Variants in RADX observed in about 807,000 individuals in gnomAD.
The protein encoded by RADX is RPA1 related single stranded DNA binding protein, X-linked, also known as RPA-related protein RADX.
RADX carries 36 observed loss-of-function variants against 61.6 expected under a neutral mutation model. The observed-to-expected ratio is 0.58, with a 90% CI of 0.45 to 0.77. RADX has a LOEUF of 0.77. Among genes scored for constraint, RADX ranks in the 30% least tolerant of loss-of-function variants. The probability of loss-of-function intolerance (pLI) is 0.00; values close to 1 mark genes in which losing one functional copy is unlikely to be tolerated. For missense variants in RADX, 497 were observed against 651.1 expected, an observed-to-expected ratio of 0.76 and a Z score of 2.58; for synonymous variants, 272 against 237.9, an observed-to-expected ratio of 1.14 and a Z score of -1.32.
chrX:106,637,987 T>G (rs1278596781), intron 8 of RADX, 63 bp downstream of exon 8: 1 of 909,352 alleles, frequency 1.1e-6, no homozygotes. Context: ...GCTTATGCTA[T>G]TTCAATTAGT....
At chrX:106,651,665 A>C in intron 11 of RADX, among the ~76,000 whole-genome samples, 1 of 111,689 alleles carries the variant, frequency 9.0e-6, no homozygotes, top group East Asian at 2.8e-4. Context: ...TGAGAATTAA[A>C]GCATTCTAAG....
chrX:106,679,421 TAAAG>T lies in RADX; in HGVS notation c.*1166_*1169del, dbSNP rs1928591852. 8.9e-6 allele frequency: 1 copy of T among 112,240 alleles called. No individual in the cohort carries two copies. The highest frequency in any genetic ancestry group is 2.8e-4 in the East Asian group (1 of 3,602). The allele number at this position is 112,240 out of a possible 1,213,427, so 9.2% of individuals were successfully genotyped here. On this transcript the variant is annotated 3_prime_UTR_variant, in exon 14 of 14. Transcript: ENST00000372548. The stretch of plus-strand genomic sequence containing the variant: ...CGTGTTACAGTTTTGAGTGAATTAT[TAAAG>T]AAGTTAAAATGCAATAACTTTTTGG...
At chrX:106,647,999 G>C (rs1177091480) in intron 10 of RADX, among the ~76,000 whole-genome samples, 1 of 109,597 alleles carries the variant, frequency 9.1e-6, no homozygotes, top group Non-Finnish European at 1.9e-5. Context: ...TATTTCTTTT[G>C]CTCTGCATGC....
chrX:106,677,646 CAT>C (rs1180008196), intron 13 of RADX, among the ~76,000 whole-genome samples: 1 of 111,008 alleles, frequency 9.0e-6, no homozygotes, highest in Non-Finnish European at 1.9e-5. Context: ...ATCAGTTACA[CAT>C]ATACACATAT....
chrX:106,614,536 A>G (rs1439754635), intron 1 of RADX, among the ~76,000 whole-genome samples: 7 of 112,132 alleles, frequency 6.2e-5, no homozygotes, highest in Admixed American at 9.4e-5. Flanking sequence ...TCCTCTGGCG[A>G]AATTGCTGGC....
intron 3 of RADX, among the ~76,000 whole-genome samples, chrX:106,630,938 AATAAG>A (rs1156718879): frequency 8.9e-6 from 1 of 112,379 alleles, no homozygotes. Context: ...AATTAAAAGT[AATAAG>A]ATATTAGCAA....
At chrX:106,638,267 C>CT (rs746231371) in intron 8 of RADX, 3,271 of 118,997 alleles carry the variant, frequency 0.027, 16 homozygotes, top group Non-Finnish European at 0.038. Context: ...CCTGAAACTT[C>CT]TTTTTTTTTT....
intron 6 of RADX, among the ~76,000 whole-genome samples, chrX:106,635,502 G>T (rs1357894122): frequency 9.0e-6 from 1 of 111,296 alleles, no homozygotes; most frequent in Non-Finnish European, 1.9e-5. Flanking sequence ...AACACCTTTA[G>T]CCATTAGTAT....
At chrX:106,640,251 T>A (rs1927474228) in intron 9 of RADX, among the ~76,000 whole-genome samples, 1 of 111,206 alleles carries the variant, frequency 9.0e-6, no homozygotes, top group African/African-American at 3.3e-5. Flanking sequence ...ACAAGTTAAT[T>A]TTTCCCATGA....
chrX:106,641,175 A>T (rs892098425), intron 10 of RADX, among the ~76,000 whole-genome samples: 1 of 110,612 alleles, frequency 9.0e-6, no homozygotes, highest in Non-Finnish European at 1.9e-5. Flanking sequence ...AACATCTGCT[A>T]TGACCCTATT....
chrX:106,639,864 C>A, intron 9 of RADX, 177 bp downstream of exon 9: 1 of 281,749 alleles, frequency 3.5e-6, no homozygotes, highest in Non-Finnish European at 6.2e-6. Context: ...AAAGTAATGG[C>A]AAAAACCGCA....
In RADX at chrX:106,612,066, C is replaced by G. The variant is rs748719808; in HGVS notation, c.-15C>G. On this transcript the variant is annotated 5_prime_UTR_variant, in exon 1 of 14. Coordinates refer to ENST00000372548, the MANE Select transcript of RADX (RefSeq NM_018015.6). ...CTAGCTTTTGGGAGTGAAGCGGGTA[C>G]GCAGTTATCCAACAATGTCTGGTGA... The G allele has an allele frequency of 8.4e-7, 1 of 1,192,478 alleles. No individual in the cohort carries two copies.
chrX:106,643,982 A>G (rs1456076465), intron 10 of RADX, among the ~76,000 whole-genome samples: 1 of 111,443 alleles, frequency 9.0e-6, no homozygotes, highest in Non-Finnish European at 1.9e-5. Flanking sequence ...TTCATTATAG[A>G]CATCTTTCAC....
chrX:106,677,342 A>C (rs1928535525), intron 13 of RADX, among the ~76,000 whole-genome samples: 1 of 111,363 alleles, frequency 9.0e-6, no homozygotes, highest in African/African-American at 3.3e-5. Context: ...GTAGCAGTTT[A>C]TTTCTTTATT....
chrX:106,657,141 C>T (rs1224717987), intron 11 of RADX, among the ~76,000 whole-genome samples: 1 of 112,407 alleles, frequency 8.9e-6, no homozygotes, highest in East Asian at 2.8e-4. Context: ...GCTTCTACAT[C>T]AGAACTTGCT....
At position 106,612,309 on chromosome X, in the gene RADX, T is replaced by C; in HGVS notation, c.229T>C (p.Tyr77His). The C allele has an allele frequency of 2.5e-6, 3 of 1,211,205 alleles. No individual in the cohort carries two copies. Among genetic ancestry groups the C allele is most frequent in the Non-Finnish European group, 2.2e-6 (2 of 895,367 alleles). The change falls in exon 1 of 14, where the codon TAC becomes CAC. Residue 77 changes from tyrosine to histidine, a missense_variant. This residue lies in a region of RADX where 196 missense variants were observed against 315.0 expected (regional missense o/e 0.62). Transcript: ENST00000372548. Reference protein sequence around the residue: ...VPVTVLAVQRYLLEDEPRDTV... With the variant: ...VPVTVLAVQRHLLEDEPRDTV... ...TGTAACTGTGCTGGCCGTCCAGAGG[T>C]ACCTGTTAGAGGATGAGCCACGCGA...
intron 1 of RADX, among the ~76,000 whole-genome samples, chrX:106,616,165 C>A (rs1050992731): frequency 3.6e-5 from 4 of 111,205 alleles, no homozygotes; most frequent in Non-Finnish European, 5.7e-5. Flanking sequence ...TTTTCAAGAG[C>A]CCATTTCTGA....
At chrX:106,617,503 A>G (rs893387062) in intron 1 of RADX, among the ~76,000 whole-genome samples, 20 of 111,792 alleles carry the variant, frequency 1.8e-4, no homozygotes, top group African/African-American at 6.5e-4. Context: ...TGATAGTTGC[A>G]TTTATTTCTC....
Position 106,678,316 on chromosome X carries a change from A to G in RADX, c.*58A>G, listed in dbSNP as rs980090815. On this transcript the variant is annotated 3_prime_UTR_variant, in exon 14 of 14. Transcript: ENST00000372548. Reference sequence around the variant, plus strand: ...GAGTGTACTGCTTTAAAGATATTCCATCATTTTGCTGGTAATTTCAGTAAC... The same window carrying G: ...GAGTGTACTGCTTTAAAGATATTCCGTCATTTTGCTGGTAATTTCAGTAAC... 1.2e-6 allele frequency: 1 copy of G among 832,638 alleles called. No individual in the cohort carries two copies. The highest frequency in any genetic ancestry group is 1.7e-6 in the Non-Finnish European group (1 of 591,590). 68.6% of individuals were successfully genotyped at this position (832,638 alleles called of 1,213,427 possible).
Sources: allele counts gnomAD v4.1 joint callset (sites outside exome capture counted in the v4.1 genomes callset), GRCh38; gene constraint gnomAD v4.1.1; regional missense constraint gnomAD v4.1.1; transcripts MANE v1.5; gene names NCBI Gene and HGNC (gene_info 2026-07-23, HGNC 2026-07-21).